Variants in PREX2 observed in about 807,000 individuals in gnomAD.
PREX2 encodes phosphatidylinositol 3,4,5-trisphosphate-dependent Rac exchanger 2 protein.
A neutral mutation model predicts 203.2 loss-of-function variants in PREX2; 107 were observed. The ratio of observed to expected loss-of-function variants is 0.53; its 90% CI spans 0.45 to 0.62. The LOEUF is 0.62. PREX2 is among the 20% of genes least tolerant of loss of function. PREX2 has a pLI of 0.00. For synonymous variants in PREX2, 672 were observed against 663.6 expected, an observed-to-expected ratio of 1.01 and a Z score of -0.19; for missense variants, 1,777 against 1,955.9, an observed-to-expected ratio of 0.91 and a Z score of 1.72.
chr8:68,021,764 A>G (rs1029195103), intron 3 of PREX2, among the ~76,000 whole-genome samples: 5 of 152,202 alleles, frequency 3.3e-5, no homozygotes, highest in African/African-American at 1.2e-4. Flanking sequence ...GGCAAAGCTC[A>G]GCCCTCTCTT....
intron 38 of PREX2, among the ~76,000 whole-genome samples, chr8:68,224,002 A>AT (rs1813008692): frequency 6.6e-6 from 1 of 151,966 alleles, no homozygotes; most frequent in South Asian, 2.1e-4. Context: ...TCTTTTTAAA[A>AT]TTTTTATTTA....
At chr8:68,072,625 A>G in intron 14 of PREX2, 55 bp downstream of exon 14, 1 of 972,774 alleles carries the variant, frequency 1.0e-6, no homozygotes. Flanking sequence ...TTAAACTCTG[A>G]GTGTGTGAAT....
chr8:68,202,663 T>C (rs2129614920), intron 37 of PREX2, among the ~76,000 whole-genome samples: 1 of 152,032 alleles, frequency 6.6e-6, no homozygotes, highest in East Asian at 1.9e-4. Context: ...ACTTGGTGAT[T>C]GGTGAGAAAT....
intron 35 of PREX2, among the ~76,000 whole-genome samples, chr8:68,165,663 G>C (rs2129614101): frequency 6.6e-6 from 1 of 152,204 alleles, no homozygotes; most frequent in East Asian, 1.9e-4. Flanking sequence ...ATTGTCTCAG[G>C]ATTTCTTTTA....
At chr8:67,999,805 T>G (rs10156348) in intron 1 of PREX2, among the ~76,000 whole-genome samples, 104,338 of 152,098 alleles carry the variant, frequency 0.69, 36,031 homozygotes, top group South Asian at 0.81. Flanking sequence ...CAAGGTTGGT[T>G]CAACATATGC....
chr8:68,080,836 G>A lies in PREX2; in HGVS notation c.1876G>A (p.Glu626Lys), dbSNP rs1258348839. ...IKLVEKGSNA[E>K]MAGMEVGKKI... ...GTTGGTAGAAAAGGGATCTAATGCT[G>A]AGGTAATGTAAATTAGCGTTTTAAT... is the stretch of plus-strand genomic sequence containing the variant. Residue 626 changes from glutamate to lysine, a missense_variant and splice_region_variant, in exon 17 of 40, where the codon GAG becomes AAG. Physicochemically the swap from Glu to Lys is moderately conservative, Grantham distance 56 (BLOSUM62 1). Coordinates refer to ENST00000288368, the MANE Select transcript of PREX2 (RefSeq NM_024870.4). 1.4e-6 allele frequency: 2 copies of A among 1,422,700 alleles called. No individual in the cohort carries two copies. The highest frequency in any genetic ancestry group is 2.0e-6 in the Non-Finnish European group (2 of 1,017,316). The allele number at this position is 1,422,700 out of a possible 1,614,324, so 88.1% of individuals were successfully genotyped here. A position where few individuals can be genotyped will look rare whatever the true frequency, so the allele number is the denominator to read the frequency against.
chr8:68,191,632 T>A, intron 35 of PREX2, 90 bp from the exon 36 acceptor site: 1 of 926,884 alleles, frequency 1.1e-6, no homozygotes, highest in Non-Finnish European at 1.7e-6. Flanking sequence ...CACTTGTTTT[T>A]AAAAAAAAGT....
chr8:68,121,479 A>G (rs1171841066), intron 30 of PREX2, among the ~76,000 whole-genome samples: 1 of 152,168 alleles, frequency 6.6e-6, no homozygotes, highest in East Asian at 1.9e-4. Context: ...TTAAGTTTTT[A>G]TATCAGAAGT....
intron 10 of PREX2, among the ~76,000 whole-genome samples, chr8:68,059,792 G>A (rs918855321): frequency 6.6e-6 from 1 of 152,134 alleles, no homozygotes. Flanking sequence ...TCCTCATTGA[G>A]GCTGCAAGAA....
In PREX2 at chr8:68,231,553, A is replaced by G; in HGVS notation, c.*175A>G. 2.3e-6 allele frequency: 1 copy of G among 427,898 alleles called. No homozygotes were observed. Among genetic ancestry groups the G allele is most frequent in the South Asian group, 6.9e-5 (1 of 14,508 alleles). 26.5% of individuals were successfully genotyped at this position (427,898 alleles called of 1,614,324 possible). A position where few individuals can be genotyped will look rare whatever the true frequency, so the allele number is the denominator to read the frequency against. On this transcript the variant is annotated 3_prime_UTR_variant, in exon 40 of 40. Coordinates refer to ENST00000288368, the MANE Select transcript of PREX2 (RefSeq NM_024870.4). Reference sequence around the variant, plus strand: ...GTGATCAGTTTATACTTTGATATTTATGCTGGAAATGGATAGAAGTTCAAT... The same window carrying G: ...GTGATCAGTTTATACTTTGATATTTGTGCTGGAAATGGATAGAAGTTCAAT...
In PREX2 at chr8:68,236,144, G is replaced by A. The variant is rs949020518; in HGVS notation, c.*4766G>A. ...GTAAGCATCAGAGCTGTCCAACCATGTGTAAATGTACCTGGTCTTTTGATC... is the reference window on the plus strand; with the variant it reads ...GTAAGCATCAGAGCTGTCCAACCATATGTAAATGTACCTGGTCTTTTGATC... On this transcript the variant is annotated 3_prime_UTR_variant, in exon 40 of 40. Transcript: ENST00000288368. The A allele has an allele frequency of 2.0e-5, 3 of 152,096 alleles. No homozygotes were observed. The highest frequency in any genetic ancestry group is 7.2e-5 in the African/African-American group (3 of 41,448). 9.4% of individuals were successfully genotyped at this position (152,096 alleles called of 1,614,324 possible).
intron 33 of PREX2, among the ~76,000 whole-genome samples, chr8:68,138,981 C>A (rs1811168078): frequency 6.6e-6 from 1 of 152,140 alleles, no homozygotes; most frequent in Non-Finnish European, 1.5e-5. Context: ...GATCCATGAT[C>A]TGACTTAAGA....
intron 35 of PREX2, chr8:68,177,282 G>T (rs907995378): frequency 2.6e-5 from 4 of 152,212 alleles, no homozygotes; most frequent in Admixed American, 1.3e-4. Flanking sequence ...TTGTGGCCAG[G>T]TGCGGTGGCT....
chr8:68,068,238 T>C (rs1487459158), intron 11 of PREX2, among the ~76,000 whole-genome samples: 1 of 152,070 alleles, frequency 6.6e-6, no homozygotes, highest in Non-Finnish European at 1.5e-5. Context: ...TTATCTTTTA[T>C]TTTTGGAAGA....
intron 1 of PREX2, among the ~76,000 whole-genome samples, chr8:67,971,747 G>A (rs1176802971): frequency 2.6e-5 from 4 of 152,162 alleles, no homozygotes; most frequent in East Asian, 1.9e-4. Context: ...TAGTGGAAAA[G>A]ATATAGTTAA....
rs183346766 is a variant in PREX2 at position 67,991,365 on chromosome 8, C to T, written c.142-26481C>T. On this transcript the variant is annotated intron_variant, in intron 1 of 39. Coordinates refer to ENST00000288368, the MANE Select transcript of PREX2 (RefSeq NM_024870.4). ...GCAAAAATGAGTACATTAGTCCATA[C>T]GCACATTGCTATAAGGAAATACCCA... Among the ~76,000 whole-genome samples the T allele has an allele frequency of 3.9e-3, 590 of 152,114 alleles. 6 individuals carry two copies. The highest frequency in any genetic ancestry group is 0.014 in the African/African-American group (576 of 41,502).
At chr8:67,990,832 C>T (rs528563100) in intron 1 of PREX2, among the ~76,000 whole-genome samples, 2 of 152,158 alleles carry the variant, frequency 1.3e-5, no homozygotes, top group East Asian at 1.9e-4. Flanking sequence ...TTTGATGTGC[C>T]GCCAGGGATA....
chr8:67,976,222 C>T (rs1257796341), intron 1 of PREX2, among the ~76,000 whole-genome samples: 1 of 152,108 alleles, frequency 6.6e-6, no homozygotes, highest in East Asian at 1.9e-4. Flanking sequence ...GTCTTAAGGG[C>T]TCTTGAAATT....
chr8:68,181,533 G>A (rs1812086025), intron 35 of PREX2, among the ~76,000 whole-genome samples: 1 of 152,036 alleles, frequency 6.6e-6, no homozygotes, highest in Non-Finnish European at 1.5e-5. Context: ...GACCTGGTTT[G>A]TCTTTCTCAG....
Sources: allele counts gnomAD v4.1 joint callset (sites outside exome capture counted in the v4.1 genomes callset), GRCh38; gene constraint gnomAD v4.1.1; transcripts MANE v1.5; gene names NCBI Gene and HGNC (gene_info 2026-07-23, HGNC 2026-07-21).